The following STRA6 variants were observed in gnomAD, a reference collection of about 807,000 sequenced individuals.
The protein encoded by STRA6 is signaling receptor and transporter of retinol STRA6, also known as receptor for retinol uptake STRA6.
A neutral mutation model predicts 83.6 loss-of-function variants in STRA6; 48 were observed. The ratio of observed to expected loss-of-function variants is 0.57; its 90% CI spans 0.46 to 0.73. The LOEUF is 0.73. Among genes scored for constraint, STRA6 ranks in the 30% least tolerant of loss-of-function variants. STRA6 has a pLI of 0.00. For missense variants in STRA6, 760 were observed against 838.8 expected (o/e 0.91, Z 1.16); for synonymous variants, 353 against 362.3 (o/e 0.97, Z 0.29).
At chr15:74,206,212 C>T (rs1030338821), upstream of STRA6, among the ~76,000 whole-genome samples, 9 of 152,178 alleles carry the variant, frequency 5.9e-5, no homozygotes, top group Non-Finnish European at 1.0e-4. Flanking sequence ...CTCCCACCTG[C>T]CCCCTCCTGG....
At position 74,181,050 on chromosome 15, in the gene STRA6, A is replaced by G. The variant is rs112051934; in HGVS notation, c.1685-113T>C. On this transcript the variant is annotated intron_variant, in intron 17 of 18. Transcript: ENST00000395105. ...GCACGTGCACTCCCTGCATCCAAGCATGTCGACACACCAAGCACGTGGCAC... is the reference window on the plus strand; with the variant it reads ...GCACGTGCACTCCCTGCATCCAAGCGTGTCGACACACCAAGCACGTGGCAC... 1.5e-5 allele frequency: 22 copies of G among 1,479,864 alleles called. No homozygotes were observed. In the African/African-American group the frequency reaches 1.8e-4, roughly 12 times the overall value. The allele number at this position is 1,479,864 out of a possible 1,614,324, so 91.7% of individuals were successfully genotyped here.
chr15:74,182,308 G>A, intron 15 of STRA6, 35 bp downstream of exon 15: 1 of 1,613,912 alleles, frequency 6.2e-7, no homozygotes, highest in African/African-American at 1.3e-5. Flanking sequence ...GACCTCTAAG[G>A]AGTCCCTGAG....
intron 2 of STRA6, 27 bp from the exon 3 acceptor site, chr15:74,197,845 G>A: frequency 6.2e-7 from 1 of 1,610,968 alleles, no homozygotes; most frequent in Non-Finnish European, 8.5e-7. Context: ...GGCTGGCTCA[G>A]GCCTGCGTCA....
chr15:74,186,603 G>A (rs370424053), intron 12 of STRA6, among the ~76,000 whole-genome samples: 15 of 150,434 alleles, frequency 1.0e-4, no homozygotes, highest in East Asian at 9.8e-4. Flanking sequence ...ATGAGACTCC[G>A]TCTCAAAACA....
At chr15:74,183,299 G>A (rs550817860) in intron 14 of STRA6, 11 of 189,560 alleles carry the variant, frequency 5.8e-5, no homozygotes, top group South Asian at 5.7e-4. Flanking sequence ...AAGCTGGAGC[G>A]CAGTGGTGCA....
intron 7 of STRA6, chr15:74,194,980 G>C: frequency 7.0e-7 from 1 of 1,431,558 alleles, no homozygotes; most frequent in South Asian, 1.5e-5. Context: ...CTGACCAAAG[G>C]GAAGCTGGGG....
chr15:74,182,465 C>A lies in STRA6; in HGVS notation c.1301-5G>T. Reference sequence around the variant, plus strand: ...TGATCTGCTGCACCAGGAGCCCTGCCAGGGGCGGGAGTGGCAGGGGGACAG... The same window carrying A: ...TGATCTGCTGCACCAGGAGCCCTGCAAGGGGCGGGAGTGGCAGGGGGACAG... On this transcript the variant is annotated splice_polypyrimidine_tract_variant and splice_region_variant and intron_variant, in intron 14 of 18. Coordinates refer to ENST00000395105, the MANE Select transcript of STRA6 (RefSeq NM_022369.4). 1 of 1,605,370 alleles carries A rather than the reference C, an allele frequency of 6.2e-7. No homozygotes were observed. Among genetic ancestry groups the A allele is most frequent in the South Asian group, 1.1e-5 (1 of 89,794 alleles).
chr15:74,183,546 G>GA, intron 14 of STRA6: 1 of 1,226,240 alleles, frequency 8.2e-7, no homozygotes, highest in Non-Finnish European at 1.0e-6. Context: ...GCCCAGCCAG[G>GA]AATGTACCAT....
intron 14 of STRA6, chr15:74,182,699 A>T (rs576769695): frequency 6.6e-4 from 358 of 539,072 alleles, no homozygotes; most frequent in Middle Eastern, 4.0e-3. Flanking sequence ...GGATCCAATG[A>T]GATAATGTCT....
chr15:74,192,510 G>T (rs986370792), intron 8 of STRA6, among the ~76,000 whole-genome samples: 2 of 152,140 alleles, frequency 1.3e-5, no homozygotes, highest in South Asian at 4.2e-4. Flanking sequence ...TCACTCTCTG[G>T]ATTCAGTCTG....
chr15:74,205,002 C>A (rs966868249), upstream of STRA6, among the ~76,000 whole-genome samples: 8 of 152,132 alleles, frequency 5.3e-5, no homozygotes, highest in Non-Finnish European at 7.3e-5. Context: ...CTCTGCCTTC[C>A]CCAGGCTGGT....
At chr15:74,209,353 A>C (rs1392918334), upstream of STRA6, 2 of 1,533,224 alleles carry the variant, frequency 1.3e-6, no homozygotes, top group Non-Finnish European at 1.7e-6. Flanking sequence ...GGAACCCCCT[A>C]CTTACCTCCA....
intron 11 of STRA6, among the ~76,000 whole-genome samples, chr15:74,190,425 G>GTT (rs58826074): frequency 3.5e-5 from 5 of 143,288 alleles, no homozygotes; most frequent in African/African-American, 1.3e-4. Flanking sequence ...TTTTTTCGGG[G>GTT]TTTTTTTTTT....
intron 2 of STRA6, among the ~76,000 whole-genome samples, chr15:74,200,547 G>A (rs1326279905): frequency 6.6e-6 from 1 of 152,192 alleles, no homozygotes; most frequent in Non-Finnish European, 1.5e-5. Flanking sequence ...GGGCACTCCG[G>A]AGTTCTTCAA....
chr15:74,202,828 C>T (rs1465183355), upstream of STRA6: 1 of 1,079,412 alleles, frequency 9.3e-7, no homozygotes, highest in African/African-American at 1.7e-5. Flanking sequence ...GCCCCTCCCC[C>T]AGCCTCAGCC....
intron 14 of STRA6, 143 bp downstream of exon 14, chr15:74,183,713 T>A: frequency 6.3e-7 from 1 of 1,584,946 alleles, no homozygotes; most frequent in Non-Finnish European, 8.5e-7. Context: ...GGCAGGGGGG[T>A]CCCTCCTTCT....
upstream of STRA6, chr15:74,202,794 G>T: frequency 8.9e-7 from 1 of 1,126,282 alleles, no homozygotes; most frequent in Non-Finnish European, 1.1e-6. Context: ...GCCTGCCTGG[G>T]CCCTCCCAGC....
intron 17 of STRA6, 134 bp downstream of exon 17, chr15:74,181,161 G>T: frequency 7.0e-7 from 1 of 1,419,538 alleles, no homozygotes; most frequent in South Asian, 1.2e-5. Context: ...ACAGCGCAGG[G>T]GCACACAGGT....
chr15:74,194,743 G>A (rs1366654039), intron 7 of STRA6: 1 of 1,242,048 alleles, frequency 8.1e-7, no homozygotes, highest in East Asian at 3.0e-5. Flanking sequence ...GAATGAATGG[G>A]TGAGTGAATG....
Sources: gnomAD v4.1 joint callset for allele counts (sites outside exome capture counted in the v4.1 genomes callset) on GRCh38, gnomAD v4.1.1 for gene constraint, MANE v1.5 for transcripts, NCBI Gene and HGNC (gene_info 2026-07-23, HGNC 2026-07-21) for gene names.